The following CTNND2 variants were observed in gnomAD, a reference collection of about 807,000 sequenced individuals.
The protein encoded by CTNND2 is catenin delta-2.
A neutral mutation model predicts 144.4 loss-of-function variants in CTNND2; 22 were observed. That is an observed-to-expected ratio of 0.15 (90% CI 0.11 to 0.22). The LOEUF is 0.22. Among genes scored for constraint, CTNND2 ranks in the 10% least tolerant of loss-of-function variants. The probability of loss-of-function intolerance (pLI) is 1.00; values close to 1 mark genes in which losing one functional copy is unlikely to be tolerated. For synonymous variants in CTNND2, 751 were observed against 695.6 expected, an observed-to-expected ratio of 1.08 and a Z score of -1.25; for missense variants, 1,353 against 1,618.8, an observed-to-expected ratio of 0.84 and a Z score of 2.82.
intron 8 of CTNND2, among the ~76,000 whole-genome samples, chr5:11,364,087 C>G (rs1053164929): frequency 6.6e-6 from 1 of 152,134 alleles, no homozygotes; most frequent in Non-Finnish European, 1.5e-5. Context: ...AAAACACTTG[C>G]GTTTTGTCGT....
At chr5:11,141,064 C>T (rs2149734636) in intron 12 of CTNND2, among the ~76,000 whole-genome samples, 1 of 152,282 alleles carries the variant, frequency 6.6e-6, no homozygotes, top group Non-Finnish European at 1.5e-5. Flanking sequence ...AAGCGATCCT[C>T]TGACCTCAGA....
rs987350916 is a variant in CTNND2, at chr5:11,117,692, C to G, written c.2160-125G>C. On this transcript the variant is annotated intron_variant, in intron 12 of 21. Coordinates refer to ENST00000304623, the MANE Select transcript of CTNND2 (RefSeq NM_001332.4). ...TTCCCCACTTTTTCAGAATGCTTAT[C>G]AAGAATATATCTTTAATGAAAAGGG... is the stretch of plus-strand genomic sequence containing the variant. 10 of 727,498 alleles carry G rather than the reference C, an allele frequency of 1.4e-5. 1 individual carries two copies. The Admixed American group carries it at 1.9e-4, about 14-fold the overall frequency. The allele number at this position is 727,498 out of a possible 1,614,324, so 45.1% of individuals were successfully genotyped here.
chr5:11,144,944 C>T (rs911133868), intron 12 of CTNND2, among the ~76,000 whole-genome samples: 2 of 152,064 alleles, frequency 1.3e-5, no homozygotes, highest in Non-Finnish European at 2.9e-5. Flanking sequence ...CGATGGCTGC[C>T]TCAGCAGAGA....
chr5:11,438,210 T>G (rs1239203778), intron 3 of CTNND2, among the ~76,000 whole-genome samples: 13 of 152,194 alleles, frequency 8.5e-5, no homozygotes, highest in Non-Finnish European at 1.8e-4. Context: ...GGATACCAAT[T>G]ACAAAAATAC....
At chr5:11,821,392 A>G (rs951366800) in intron 1 of CTNND2, among the ~76,000 whole-genome samples, 4 of 152,330 alleles carry the variant, frequency 2.6e-5, no homozygotes, top group African/African-American at 9.6e-5. Flanking sequence ...GTATCAATAC[A>G]TGAAAGAATT....
At chr5:11,406,835 T>A (rs1210917250) in intron 5 of CTNND2, among the ~76,000 whole-genome samples, 1 of 151,892 alleles carries the variant, frequency 6.6e-6, no homozygotes, top group Non-Finnish European at 1.5e-5. Context: ...TACTTTTTTT[T>A]AACCATAACA....
chr5:11,369,574 A>G (rs569822894), intron 7 of CTNND2, among the ~76,000 whole-genome samples: 1 of 151,366 alleles, frequency 6.6e-6, no homozygotes, highest in East Asian at 2.0e-4. Context: ...AGTTAATCCT[A>G]TGGATCTATA....
chr5:11,445,910 T>C (rs1050526773), intron 3 of CTNND2, among the ~76,000 whole-genome samples: 1 of 152,210 alleles, frequency 6.6e-6, no homozygotes, highest in Non-Finnish European at 1.5e-5. Flanking sequence ...TAAATAGATA[T>C]TTGGACACAG....
chr5:11,347,217 C>G (rs942222102), intron 8 of CTNND2, among the ~76,000 whole-genome samples: 2 of 152,132 alleles, frequency 1.3e-5, no homozygotes, highest in African/African-American at 4.8e-5. Flanking sequence ...TGTAAAGTAA[C>G]TCCCGAAAGA....
intron 18 of CTNND2, among the ~76,000 whole-genome samples, chr5:11,008,154 A>T (rs1234587596): frequency 6.6e-6 from 1 of 152,154 alleles, no homozygotes; most frequent in East Asian, 1.9e-4. Flanking sequence ...TCAGGCTTTT[A>T]TGTGAGAGGG....
At chr5:11,450,767 G>A (rs1005280047) in intron 3 of CTNND2, among the ~76,000 whole-genome samples, 6 of 151,892 alleles carry the variant, frequency 4.0e-5, no homozygotes, top group East Asian at 1.9e-4. Flanking sequence ...GCGTGGTGGC[G>A]CATGCTTGTA....
intron 3 of CTNND2, among the ~76,000 whole-genome samples, chr5:11,515,886 G>A (rs78646625): frequency 0.019 from 2,903 of 152,200 alleles, 77 homozygotes; most frequent in African/African-American, 0.061. Context: ...GCTTGCTTAA[G>A]CTCAGGAGTT....
intron 3 of CTNND2, among the ~76,000 whole-genome samples, chr5:11,438,465 G>C (rs1196406187): frequency 6.6e-6 from 1 of 152,198 alleles, no homozygotes; most frequent in Non-Finnish European, 1.5e-5. Context: ...ACGTGGTGTT[G>C]AGAAAAGCAG....
At chr5:11,053,843 G>A (rs889624247) in intron 16 of CTNND2, among the ~76,000 whole-genome samples, 3 of 152,154 alleles carry the variant, frequency 2.0e-5, no homozygotes, top group Admixed American at 6.6e-5. Flanking sequence ...CTTTAGTGGC[G>A]ACACTGCTTC....
chr5:11,491,607 T>C (rs1466893606), intron 3 of CTNND2, among the ~76,000 whole-genome samples: 1 of 152,132 alleles, frequency 6.6e-6, no homozygotes, highest in East Asian at 1.9e-4. Context: ...ATGCAAAGCA[T>C]CTCATATGCA....
intron 2 of CTNND2, among the ~76,000 whole-genome samples, chr5:11,688,197 T>C (rs1320665607): frequency 6.6e-6 from 1 of 152,076 alleles, no homozygotes; most frequent in Non-Finnish European, 1.5e-5. Flanking sequence ...AAGCCAATCT[T>C]CCAAGCTGGC....
intron 3 of CTNND2, among the ~76,000 whole-genome samples, chr5:11,491,453 GA>G (rs1462986083): frequency 6.6e-6 from 1 of 152,170 alleles, no homozygotes; most frequent in Non-Finnish European, 1.5e-5. Context: ...CCATTTTATG[GA>G]AGAGTAACTC....
At chr5:11,578,340 G>T (rs1254575744) in intron 2 of CTNND2, among the ~76,000 whole-genome samples, 2 of 152,004 alleles carry the variant, frequency 1.3e-5, no homozygotes, top group African/African-American at 4.8e-5. Flanking sequence ...ATTGATTTAG[G>T]GTATAAACTA....
At chr5:11,408,377 T>C (rs7722538) in intron 5 of CTNND2, among the ~76,000 whole-genome samples, 28,957 of 152,092 alleles carry the variant, frequency 0.19, 5,813 homozygotes, top group African/African-American at 0.51. Context: ...ATTTTCCTAG[T>C]TTTTACTCAG....
Sources: allele counts gnomAD v4.1 joint callset (sites outside exome capture counted in the v4.1 genomes callset), GRCh38; gene constraint gnomAD v4.1.1; transcripts MANE v1.5; gene names NCBI Gene and HGNC (gene_info 2026-07-23, HGNC 2026-07-21).